UNC13C: variants seen among roughly 807,000 people sequenced by gnomAD.
The protein encoded by UNC13C is protein unc-13 homolog C.
A neutral mutation model predicts 245.4 loss-of-function variants in UNC13C; 174 were observed. That is an observed-to-expected ratio of 0.71 (90% confidence interval 0.63 to 0.80). The LOEUF (loss-of-function observed/expected upper bound fraction) is 0.80. UNC13C is among the 30% of genes least tolerant of loss of function. UNC13C has a pLI of 0.00. For missense variants in UNC13C, 2,829 were observed against 2,602.9 expected (o/e 1.09, Z -1.89); for synonymous variants, 992 against 895.1 (o/e 1.11, Z -1.93).
At chr15:53,908,770 A>AAAAC in the UNC13C span, among the ~76,000 whole-genome samples, 1 of 142,262 alleles carries the variant, frequency 7.0e-6, no homozygotes, top group Non-Finnish European at 1.6e-5. Flanking sequence ...AAAAAAAAAA[A>AAAAC]GTGTATCTAA....
intron 4 of UNC13C, among the ~76,000 whole-genome samples, chr15:54,219,156 A>G (rs1461441963): frequency 1.3e-5 from 2 of 152,156 alleles, no homozygotes; most frequent in Admixed American, 6.5e-5. Flanking sequence ...TCCTAAGCCA[A>G]AAGAACAAAG....
chr15:54,511,917 A>C, intron 24 of UNC13C, 87 bp downstream of exon 24: 1 of 890,822 alleles, frequency 1.1e-6, no homozygotes, highest in Non-Finnish European at 1.8e-6. Context: ...GTCTTAATCA[A>C]GTTTTTACAT....
intron 18 of UNC13C, among the ~76,000 whole-genome samples, chr15:54,413,771 A>G (rs567168135): frequency 1.3e-5 from 2 of 152,150 alleles, no homozygotes; most frequent in Non-Finnish European, 2.9e-5. Context: ...TTTTGAGGTC[A>G]TATTTCCTTA....
At chr15:54,385,553 CG>C (rs1471854754) in intron 17 of UNC13C, among the ~76,000 whole-genome samples, 1 of 148,322 alleles carries the variant, frequency 6.7e-6, no homozygotes, top group Non-Finnish European at 1.5e-5. Context: ...TGGGTTGTGG[CG>C]AGGGTTGGAG....
chr15:54,126,830 C>G (rs889364157), intron 2 of UNC13C, among the ~76,000 whole-genome samples: 3 of 152,156 alleles, frequency 2.0e-5, no homozygotes, highest in Admixed American at 6.5e-5. Flanking sequence ...GGCTAATACA[C>G]AGAATCTACA....
chr15:54,355,585 T>C (rs893323527), intron 17 of UNC13C, among the ~76,000 whole-genome samples: 17 of 152,126 alleles, frequency 1.1e-4, no homozygotes, highest in Non-Finnish European at 2.1e-4. Flanking sequence ...CTCGAGCTCC[T>C]GACCTCAAGT....
chr15:54,397,383 C>G (rs1230802390), intron 18 of UNC13C, among the ~76,000 whole-genome samples: 3 of 151,508 alleles, frequency 2.0e-5, no homozygotes, highest in Admixed American at 6.6e-5. Flanking sequence ...TTCCACTGAT[C>G]TATATAGCCG....
In UNC13C at chr15:54,338,346, G is replaced by T; in HGVS notation, c.4585-15G>T. On this transcript the variant is annotated splice_polypyrimidine_tract_variant and intron_variant, in intron 16 of 32. Coordinates refer to ENST00000260323, the MANE Select transcript of UNC13C (RefSeq NM_001080534.3). ...CACTGTTGCATTTGAGAAAATAAAT[G>T]TCTGTCTTTGTCAGGTTCTGGAGCT... 6.3e-7 allele frequency: 1 copy of T among 1,594,282 alleles called. No homozygotes were observed. The highest frequency in any genetic ancestry group is 1.1e-5 in the South Asian group (1 of 89,534).
rs140203611 is a variant in UNC13C at position 54,460,320 on chromosome 15, G to C, written c.4934-34288G>C. 5.0e-3 allele frequency among the ~76,000 whole-genome samples: 769 copies of C among 152,300 alleles called. 6 individuals are homozygous for C. Among genetic ancestry groups the C allele is most frequent in the African/African-American group, 0.017 (719 of 41,566 alleles). ...GCACAGGAGTTAAGTGGACTCTGTG[G>C]GAGTCCTTGGTTGTAGTTTTGTTTA... On this transcript the variant is annotated intron_variant, in intron 19 of 32. Coordinates refer to ENST00000260323, the MANE Select transcript of UNC13C (RefSeq NM_001080534.3).
At chr15:54,593,606 C>T (rs1898916765) in intron 30 of UNC13C, among the ~76,000 whole-genome samples, 1 of 152,074 alleles carries the variant, frequency 6.6e-6, no homozygotes, top group Non-Finnish European at 1.5e-5. Flanking sequence ...CTTTCTTCTA[C>T]TTGTTCAATT....
At chr15:53,984,294 A>G (rs17664311) in intron 1 of UNC13C, among the ~76,000 whole-genome samples, 18,971 of 152,172 alleles carry the variant, frequency 0.12, 1,503 homozygotes, top group East Asian at 0.28. Flanking sequence ...TAGACAGATT[A>G]TGCACAGTTT....
At chr15:54,350,853 T>C (rs1317256146) in intron 17 of UNC13C, among the ~76,000 whole-genome samples, 1 of 152,240 alleles carries the variant, frequency 6.6e-6, no homozygotes, top group Non-Finnish European at 1.5e-5. Context: ...AAGATGGTTT[T>C]CCTTCACAAA....
chr15:53,926,222 T>A, the UNC13C span, among the ~76,000 whole-genome samples: 6 of 152,190 alleles, frequency 3.9e-5, no homozygotes, highest in East Asian at 1.2e-3. Flanking sequence ...CAGAGTTTAA[T>A]ACAAAATAGT....
chr15:54,590,244 T>C (rs1421410683), intron 30 of UNC13C, among the ~76,000 whole-genome samples: 1 of 152,230 alleles, frequency 6.6e-6, no homozygotes, highest in Non-Finnish European at 1.5e-5. Context: ...ATTTGTTCTT[T>C]TTCCTTAGTC....
intron 30 of UNC13C, among the ~76,000 whole-genome samples, chr15:54,615,626 A>G (rs1900379967): frequency 1.3e-5 from 2 of 152,206 alleles, no homozygotes; most frequent in South Asian, 2.1e-4. Flanking sequence ...AGAGATGCTG[A>G]TAGGTCAAGT....
At chr15:54,418,107 C>G (rs756536998) in intron 19 of UNC13C, among the ~76,000 whole-genome samples, 2 of 152,024 alleles carry the variant, frequency 1.3e-5, no homozygotes, top group Non-Finnish European at 2.9e-5. Context: ...GTTTAATTGT[C>G]CATATTGATA....
chr15:53,921,157 T>G, the UNC13C span, among the ~76,000 whole-genome samples: 1 of 152,050 alleles, frequency 6.6e-6, no homozygotes, highest in African/African-American at 2.4e-5. Flanking sequence ...TGAGGCATCT[T>G]TTTTCTATGA....
chr15:54,416,686 C>T (rs1269021443), intron 19 of UNC13C, among the ~76,000 whole-genome samples: 1 of 152,048 alleles, frequency 6.6e-6, no homozygotes, highest in Non-Finnish European at 1.5e-5. Flanking sequence ...CTACCCTAGG[C>T]CTATACTCTG....
At chr15:54,373,058 G>T (rs1163170258) in intron 17 of UNC13C, among the ~76,000 whole-genome samples, 1 of 152,156 alleles carries the variant, frequency 6.6e-6, no homozygotes, top group Non-Finnish European at 1.5e-5. Flanking sequence ...GGGATAGGCT[G>T]TCAAAGGTGT....
Sources: gnomAD v4.1 joint callset for allele counts (sites outside exome capture counted in the v4.1 genomes callset) on GRCh38, gnomAD v4.1.1 for gene constraint, MANE v1.5 for transcripts, NCBI Gene and HGNC (gene_info 2026-07-23, HGNC 2026-07-21) for gene names.